The following STAU2 variants were observed in gnomAD, a reference collection of about 807,000 sequenced individuals.
STAU2 encodes staufen double-stranded RNA binding protein 2, also known as double-stranded RNA-binding protein Staufen homolog 2.
STAU2 carries 20 observed loss-of-function variants against 65.9 expected under a neutral mutation model. The observed-to-expected ratio is 0.30, with a 90% CI of 0.21 to 0.44. The LOEUF (loss-of-function observed/expected upper bound fraction) is 0.44, where lower values mean the gene tolerates loss of function less well. STAU2 is among the 20% of genes least tolerant of loss of function. STAU2 has a pLI of 1.00. For synonymous variants in STAU2, 232 were observed against 233.9 expected (o/e 0.99, Z 0.07); for missense variants, 558 against 683.9 (o/e 0.82, Z 2.05).
intron 12 of STAU2, among the ~76,000 whole-genome samples, chr8:73,553,514 C>A (rs1187849007): frequency 6.6e-6 from 1 of 152,164 alleles, no homozygotes; most frequent in Non-Finnish European, 1.5e-5. Context: ...AGTGAAGAAT[C>A]AGAAAACTCA....
chr8:73,521,237 A>C lies in STAU2; in HGVS notation c.1530+30775T>G, dbSNP rs144647580. On this transcript the variant is annotated intron_variant, in intron 13 of 14. Coordinates refer to ENST00000524300, the MANE Select transcript of STAU2 (RefSeq NM_001164380.2). ...CTTAATCAAAACTAGAATACTCATT[A>C]GATTTGTAAATTGTTACACTTCATG... Among the ~76,000 whole-genome samples, 117 of 152,356 alleles carry C rather than the reference A, an allele frequency of 7.7e-4. 1 individual carries two copies. Among genetic ancestry groups the C allele is most frequent in the African/African-American group, 2.7e-3 (113 of 41,586 alleles).
chr8:73,724,989 T>C (rs895570551), intron 3 of STAU2, among the ~76,000 whole-genome samples: 1 of 152,178 alleles, frequency 6.6e-6, no homozygotes. Context: ...GCCCAGTTAA[T>C]TATGTGTATG....
chr8:73,591,882 T>TAAAAAAAAAAAAAA (rs34533172), intron 11 of STAU2, among the ~76,000 whole-genome samples: 8 of 28,458 alleles, frequency 2.8e-4, no homozygotes, highest in East Asian at 2.7e-3. Context: ...ATCCCAGAGG[T>TAAAAAAAAAAAAAA]AAAAAAAAAA....
chr8:73,576,032 G>A (rs1407156948), intron 12 of STAU2, among the ~76,000 whole-genome samples: 7 of 151,978 alleles, frequency 4.6e-5, no homozygotes, highest in Admixed American at 6.6e-5. Context: ...GGTAAAAAAC[G>A]ATAAAAGATT....
At chr8:73,546,123 CTTTTTTTTTTTTT>C (rs71561528) in intron 13 of STAU2, among the ~76,000 whole-genome samples, 1,190 of 93,338 alleles carry the variant, frequency 0.013, 21 homozygotes, top group African/African-American at 0.041. Flanking sequence ...GTTTGGTTTT[CTTTTTTTTTTTTT>C]TTTTTTTTTT....
chr8:73,549,080 G>A (rs551027503), intron 13 of STAU2, among the ~76,000 whole-genome samples: 2 of 152,192 alleles, frequency 1.3e-5, no homozygotes, highest in South Asian at 4.1e-4. Flanking sequence ...AAAGCTGAAT[G>A]ATTTTGAAAC....
intron 6 of STAU2, among the ~76,000 whole-genome samples, chr8:73,658,830 T>C (rs770605274): frequency 1.1e-4 from 17 of 151,606 alleles, no homozygotes; most frequent in Non-Finnish European, 1.8e-4. Flanking sequence ...GAAGAATCGC[T>C]TGAACCTGGG....
At chr8:73,467,936 C>T (rs539817126) in intron 13 of STAU2, among the ~76,000 whole-genome samples, 1 of 152,280 alleles carries the variant, frequency 6.6e-6, no homozygotes, top group Non-Finnish European at 1.5e-5. Context: ...ACTTTCTTCA[C>T]AGAATTGGAA....
chr8:73,482,201 G>A (rs1016333932), intron 13 of STAU2, among the ~76,000 whole-genome samples: 8 of 151,804 alleles, frequency 5.3e-5, no homozygotes, highest in Non-Finnish European at 8.8e-5. Context: ...GCCTGTGATC[G>A]CATTGCCAGG....
chr8:73,614,401 C>A (rs1812682356), intron 8 of STAU2, among the ~76,000 whole-genome samples: 1 of 152,080 alleles, frequency 6.6e-6, no homozygotes, highest in South Asian at 2.1e-4. Context: ...AGGCACTGTG[C>A]CTGTGGAAGC....
At chr8:73,429,341 AC>A (rs1817076177) in intron 13 of STAU2, among the ~76,000 whole-genome samples, 1 of 149,050 alleles carries the variant, frequency 6.7e-6, no homozygotes, top group African/African-American at 2.5e-5. Flanking sequence ...GAATTCAGTA[AC>A]CTACTTAAGG....
intron 13 of STAU2, among the ~76,000 whole-genome samples, chr8:73,422,923 C>T (rs888367489): frequency 2.0e-5 from 3 of 152,162 alleles, no homozygotes; most frequent in Non-Finnish European, 2.9e-5. Context: ...TATCCCTTCT[C>T]CACAGTTTTG....
rs1471790892 is a variant in STAU2, at chr8:73,569,354, C to A, written c.1222+13416G>T. On this transcript the variant is annotated intron_variant, in intron 12 of 14. Coordinates refer to ENST00000524300, the MANE Select transcript of STAU2 (RefSeq NM_001164380.2). ...GCCCACCACAGCTCAAGGAGGCCTG[C>A]CCGCCTCTGTAGACTCCACCTCCGG... Among the ~76,000 whole-genome samples the A allele has an allele frequency of 3.9e-5, 6 of 152,274 alleles. No homozygotes were observed. The South Asian group carries it at 8.3e-4, about 21-fold the overall frequency.
intron 13 of STAU2, among the ~76,000 whole-genome samples, chr8:73,480,903 G>A (rs1010513662): frequency 6.6e-6 from 1 of 152,112 alleles, no homozygotes; most frequent in Non-Finnish European, 1.5e-5. Flanking sequence ...AACAAATCAA[G>A]CTGGCTTAAA....
At chr8:73,464,621 C>CAT (rs1819553215) in intron 13 of STAU2, among the ~76,000 whole-genome samples, 1 of 152,298 alleles carries the variant, frequency 6.6e-6, no homozygotes, top group East Asian at 1.9e-4. Flanking sequence ...CACACACACA[C>CAT]ACACTGCAGC....
intron 10 of STAU2, among the ~76,000 whole-genome samples, chr8:73,600,672 T>C (rs1468097674): frequency 6.6e-6 from 1 of 152,206 alleles, no homozygotes; most frequent in Non-Finnish European, 1.5e-5. Context: ...CCTCTACTGC[T>C]CTGAGGCCTG....
chr8:73,675,441 C>G (rs10100009), intron 5 of STAU2: 10,723 of 151,742 alleles, frequency 0.071, 419 homozygotes, highest in Middle Eastern at 0.14. Flanking sequence ...TTATTACTTA[C>G]TATTCAACAA....
intron 6 of STAU2, among the ~76,000 whole-genome samples, chr8:73,669,660 T>TCTCTCA (rs1817522418): frequency 6.6e-6 from 1 of 151,740 alleles, no homozygotes; most frequent in African/African-American, 2.4e-5. Context: ...TCTCTCTCTC[T>TCTCTCA]CTCTCTCTCT....
At chr8:73,431,338 A>T (rs1012571924) in intron 13 of STAU2, among the ~76,000 whole-genome samples, 1 of 138,936 alleles carries the variant, frequency 7.2e-6, no homozygotes, top group African/African-American at 2.9e-5. Context: ...CAGCTTTATG[A>T]CAATTAATAT....
Sources: allele counts gnomAD v4.1 joint callset (sites outside exome capture counted in the v4.1 genomes callset), GRCh38; gene constraint gnomAD v4.1.1; transcripts MANE v1.5; gene names NCBI Gene and HGNC (gene_info 2026-07-23, HGNC 2026-07-21).